Variants in STK3 observed in about 807,000 individuals in gnomAD.
STK3 encodes the protein serine/threonine-protein kinase 3.
In STK3, 41 loss-of-function variants were observed where a neutral mutation model predicts 58.0. That is an observed-to-expected ratio of 0.71 (90% CI 0.55 to 0.92). STK3 has a LOEUF of 0.92. STK3 is among the 40% of genes least tolerant of loss of function. STK3 has a pLI of 0.00. For missense variants in STK3, 479 were observed against 602.7 expected, an observed-to-expected ratio of 0.79 and a Z score of 2.15; for synonymous variants, 170 against 191.0, an observed-to-expected ratio of 0.89 and a Z score of 0.91.
At chr8:98,892,778 C>G (rs1365305734) in intron 1 of STK3, among the ~76,000 whole-genome samples, 1 of 152,232 alleles carries the variant, frequency 6.6e-6, no homozygotes, top group Non-Finnish European at 1.5e-5. Flanking sequence ...TTATTCACTA[C>G]TTTATTTCCA....
chr8:98,367,484 T>A (rs1417250725), downstream of STK3, among the ~76,000 whole-genome samples: 1 of 152,246 alleles, frequency 6.6e-6, no homozygotes, highest in East Asian at 1.9e-4. Flanking sequence ...GAAATCATAC[T>A]GAGTCCCTGC....
intron 10 of STK3, among the ~76,000 whole-genome samples, chr8:98,480,964 T>C (rs907085131): frequency 3.3e-5 from 5 of 152,198 alleles, no homozygotes; most frequent in Admixed American, 6.5e-5. Context: ...GCTTTTTGAA[T>C]ATATTAAAAT....
At chr8:98,381,776 C>T (rs1441999399) in intron 1 of STK3, among the ~76,000 whole-genome samples, 1 of 152,174 alleles carries the variant, frequency 6.6e-6, no homozygotes, top group Non-Finnish European at 1.5e-5. Flanking sequence ...TAGGATCCAG[C>T]CCAGTGCTCC....
chr8:98,634,866 C>T lies in STK3; in HGVS notation c.685-38697G>A, dbSNP rs1439137463. Among the ~76,000 whole-genome samples the T allele has an allele frequency of 2.0e-5, 3 of 151,978 alleles. No individual in the cohort carries two copies. The East Asian group carries it at 5.8e-4, about 30-fold the overall frequency. ...CTGCTTCCTGGGTCCAAGTGATTCT[C>T]CCACCTCAGCCTCCCAAGTAGCTGG... On this transcript the variant is annotated intron_variant, in intron 6 of 10. Coordinates refer to ENST00000419617, the MANE Select transcript of STK3 (RefSeq NM_006281.4).
chr8:98,578,568 A>T (rs935055139), intron 8 of STK3, among the ~76,000 whole-genome samples: 6 of 152,206 alleles, frequency 3.9e-5, no homozygotes, highest in African/African-American at 1.4e-4. Context: ...AAAGAATTTC[A>T]AAAGAATTCC....
rs1322013787 is a variant in STK3 at position 98,428,530 on chromosome 8, T to C, written n.483+5597A>G. 3 of 1,614,170 alleles carry C rather than the reference T, an allele frequency of 1.9e-6. No homozygotes were observed. The Admixed American group carries it at 5.0e-5, about 27-fold the overall frequency. On this transcript the variant is annotated intron_variant and non_coding_transcript_variant, in intron 3 of 3. Coordinates refer to the STK3 transcript ENST00000517832. This position sits in a 1 kb window ranked among gnomAD's most constrained non-coding sequence, Gnocchi z 6.7. ...GCGCTGGACAACCCCGGCTACTCAG[T>C]GCTGAGCAGGGTCTTCAGCATCCTG... is the stretch of plus-strand genomic sequence containing the variant.
the STK3 span, among the ~76,000 whole-genome samples, chr8:98,345,699 A>G: frequency 6.6e-6 from 1 of 152,112 alleles, no homozygotes; most frequent in Admixed American, 6.5e-5. Context: ...ATTAATCAGT[A>G]GAAACCATCC....
In STK3 at chr8:98,408,128, A is replaced by G. The variant is rs1818017685; in HGVS notation, n.484-6615T>C. ...TTGCACAGCTTAGATCTGTGTGGCT[A>G]TGTGCAAGTCACCCAGCCTTTAAGA... On this transcript the variant is annotated intron_variant and non_coding_transcript_variant, in intron 3 of 3. Coordinates refer to the STK3 transcript ENST00000517832. 2.0e-5 allele frequency among the ~76,000 whole-genome samples: 3 copies of G among 152,154 alleles called. No individual in the cohort carries two copies. In the South Asian group the frequency reaches 6.2e-4, roughly 32 times the overall value.
In STK3 at chr8:98,775,999, A is replaced by G. The variant is rs1483359320; in HGVS notation, c.27-1180T>C. On this transcript the variant is annotated intron_variant, in intron 1 of 10. Transcript: ENST00000419617. ...AATTTTTCAAAGATTTGTGGTGAAT[A>G]AAGCAACTGCTGATCATGAAGAAGC... Among the ~76,000 whole-genome samples the G allele has an allele frequency of 3.9e-5, 6 of 152,380 alleles. No individual in the cohort carries two copies. In the South Asian group the frequency reaches 1.2e-3, roughly 32 times the overall value.
chr8:98,610,723 A>G (rs1260240440), intron 6 of STK3, among the ~76,000 whole-genome samples: 1 of 152,188 alleles, frequency 6.6e-6, no homozygotes, highest in Non-Finnish European at 1.5e-5. Flanking sequence ...AGGAGGGAAA[A>G]CTATGGGCTC....
chr8:98,438,297 G>C (rs1324341445), intron 1 of STK3: 1 of 152,142 alleles, frequency 6.6e-6, no homozygotes, highest in African/African-American at 2.4e-5. Flanking sequence ...AGAATGTGTA[G>C]ATGTGTGTCA....
intron 3 of STK3, among the ~76,000 whole-genome samples, chr8:98,754,501 ACT>A (rs540376978): frequency 1.4e-5 from 2 of 147,554 alleles, no homozygotes; most frequent in South Asian, 2.2e-4. Flanking sequence ...AAAAAAAAAA[ACT>A]CTCTCTCTCT....
At chr8:98,481,119 CATGATTCTGGTAT>C (rs1821816420) in intron 10 of STK3, among the ~76,000 whole-genome samples, 1 of 151,876 alleles carries the variant, frequency 6.6e-6, no homozygotes, top group Non-Finnish European at 1.5e-5. Flanking sequence ...AAAAAAGTCA[CATGATTCTGGTAT>C]ATTTCAACCA....
intron 8 of STK3, among the ~76,000 whole-genome samples, chr8:98,551,000 C>T (rs1366184700): frequency 6.6e-6 from 1 of 152,130 alleles, no homozygotes; most frequent in Non-Finnish European, 1.5e-5. Flanking sequence ...TGGACCAATC[C>T]TATTTTCCCA....
chr8:98,458,985 T>TA (rs34929223), intron 10 of STK3, among the ~76,000 whole-genome samples: 69,378 of 152,028 alleles, frequency 0.46, 16,214 homozygotes, highest in Admixed American at 0.56. Context: ...GCTATAAAGA[T>TA]ACTTGAAATG....
intron 1 of STK3, among the ~76,000 whole-genome samples, chr8:98,815,424 T>C (rs1017570956): frequency 6.6e-6 from 1 of 152,254 alleles, no homozygotes; most frequent in Non-Finnish European, 1.5e-5. Context: ...AAATATCATT[T>C]CTTACTAAGA....
the STK3 span, among the ~76,000 whole-genome samples, chr8:98,352,316 G>T: frequency 6.6e-6 from 1 of 152,088 alleles, no homozygotes; most frequent in Non-Finnish European, 1.5e-5. Flanking sequence ...TAAAATTTTT[G>T]AAAGAATTAG....
chr8:98,754,903 C>CA (rs769169540), intron 3 of STK3, among the ~76,000 whole-genome samples: 34 of 151,946 alleles, frequency 2.2e-4, no homozygotes, highest in South Asian at 4.2e-4. Flanking sequence ...GAAAAGCATA[C>CA]AAAAAAATGT....
At chr8:98,835,338 A>C (rs1280941405) in intron 3 of STK3, among the ~76,000 whole-genome samples, 1 of 152,330 alleles carries the variant, frequency 6.6e-6, no homozygotes, top group East Asian at 1.9e-4. Flanking sequence ...GCATGATGGT[A>C]AACTTTGTCA....
Sources: allele counts gnomAD v4.1 joint callset (sites outside exome capture counted in the v4.1 genomes callset), GRCh38; gene constraint gnomAD v4.1.1; non-coding constraint Gnocchi (gnomAD v3.1); transcripts MANE v1.5; gene names NCBI Gene and HGNC (gene_info 2026-07-23, HGNC 2026-07-21).